The following CCDC85A variants were observed in gnomAD, a reference collection of about 807,000 sequenced individuals.
CCDC85A encodes the protein coiled-coil domain containing 85A.
Under a neutral mutation model 50.2 loss-of-function variants are expected in CCDC85A, and 38 were observed. That is an observed-to-expected ratio of 0.76 (90% confidence interval 0.58 to 0.99). The LOEUF is 0.99. CCDC85A is among the 50% of genes least tolerant of loss of function. CCDC85A has a pLI of 0.00. For missense variants in CCDC85A, 820 were observed against 742.0 expected (o/e 1.11, Z -1.22); for synonymous variants, 366 against 301.4 (o/e 1.21, Z -2.22).
At chr2:56,327,720 A>C (rs982607508) in intron 2 of CCDC85A, among the ~76,000 whole-genome samples, 1 of 151,900 alleles carries the variant, frequency 6.6e-6, no homozygotes, top group Non-Finnish European at 1.5e-5. Context: ...ACATGGAATA[A>C]AATGTCTGTA....
chr2:56,221,751 A>C (rs1668337171), intron 2 of CCDC85A, among the ~76,000 whole-genome samples: 1 of 152,158 alleles, frequency 6.6e-6, no homozygotes, highest in African/African-American at 2.4e-5. Flanking sequence ...TGAATTTGTT[A>C]GGTTATAAAT....
At chr2:56,215,294 A>T (rs546343539) in intron 2 of CCDC85A, among the ~76,000 whole-genome samples, 1 of 151,836 alleles carries the variant, frequency 6.6e-6, no homozygotes, top group Admixed American at 6.6e-5. Context: ...GTTTTTTGTC[A>T]TTTCTTTGAG....
intron 2 of CCDC85A, among the ~76,000 whole-genome samples, chr2:56,304,897 A>T (rs898231739): frequency 6.9e-6 from 1 of 145,198 alleles, no homozygotes; most frequent in African/African-American, 2.8e-5. Context: ...AAATATAACT[A>T]AAAAAAACAA....
intron 2 of CCDC85A, among the ~76,000 whole-genome samples, chr2:56,284,881 C>A (rs1671361825): frequency 6.6e-6 from 1 of 152,098 alleles, no homozygotes; most frequent in African/African-American, 2.4e-5. Flanking sequence ...TAATCCTTGT[C>A]TTAAAGACTA....
At chr2:56,195,400 T>A (rs757860856) in intron 2 of CCDC85A, among the ~76,000 whole-genome samples, 1 of 152,262 alleles carries the variant, frequency 6.6e-6, no homozygotes, top group Non-Finnish European at 1.5e-5. Context: ...TGTAATAGAA[T>A]GATAGTGAAG....
intron 3 of CCDC85A, among the ~76,000 whole-genome samples, chr2:56,368,541 G>T (rs547154894): frequency 6.6e-6 from 1 of 152,100 alleles, no homozygotes; most frequent in South Asian, 2.1e-4. Context: ...ACTCTGATGA[G>T]GTATTAAATA....
chr2:56,382,966 A>G (rs1477069505), intron 5 of CCDC85A, among the ~76,000 whole-genome samples: 1 of 151,950 alleles, frequency 6.6e-6, no homozygotes, highest in Non-Finnish European at 1.5e-5. Context: ...TGTCTTGTCA[A>G]TTTATTAAGA....
intron 3 of CCDC85A, among the ~76,000 whole-genome samples, chr2:56,350,728 T>C (rs1437203662): frequency 6.7e-6 from 1 of 150,236 alleles, no homozygotes; most frequent in Non-Finnish European, 1.5e-5. Flanking sequence ...GCTGTCCTCC[T>C]CCTCTGTGGT....
intron 2 of CCDC85A, among the ~76,000 whole-genome samples, chr2:56,224,803 T>A (rs573800333): frequency 6.6e-6 from 1 of 152,176 alleles, no homozygotes; most frequent in Non-Finnish European, 1.5e-5. Context: ...CTTTTTATTA[T>A]TGAGTTATAA....
At chr2:56,286,588 A>C (rs1671454848) in intron 2 of CCDC85A, among the ~76,000 whole-genome samples, 1 of 152,160 alleles carries the variant, frequency 6.6e-6, no homozygotes, top group Non-Finnish European at 1.5e-5. Flanking sequence ...ATCTCTGCTA[A>C]GATTTCTCCA....
chr2:56,300,366 G>C lies in CCDC85A; in HGVS notation c.1241-42513G>C, dbSNP rs528176384. On this transcript the variant is annotated intron_variant, in intron 2 of 5. Coordinates refer to ENST00000407595, the MANE Select transcript of CCDC85A (RefSeq NM_001080433.2). ...TTCTTGCTGCTAAGAATAGATTTCA[G>C]ATATAGGCTGTTAGCAAAGGCAATT... 2.6e-5 allele frequency among the ~76,000 whole-genome samples: 4 copies of C among 152,332 alleles called. No homozygotes were observed. The South Asian group carries it at 8.3e-4, about 32-fold the overall frequency.
chr2:56,283,257 A>C (rs948990208), intron 2 of CCDC85A, among the ~76,000 whole-genome samples: 1 of 152,130 alleles, frequency 6.6e-6, no homozygotes, highest in Admixed American at 6.5e-5. Context: ...GTTACTTGTC[A>C]CTTTTTGTAG....
chr2:56,256,640 C>T (rs947098563), intron 2 of CCDC85A, among the ~76,000 whole-genome samples: 1 of 152,188 alleles, frequency 6.6e-6, no homozygotes, highest in Non-Finnish European at 1.5e-5. Context: ...CCCTTTTTAT[C>T]CTCATTTAGG....
chr2:56,339,787 T>C (rs1302995533), intron 2 of CCDC85A, among the ~76,000 whole-genome samples: 3 of 152,204 alleles, frequency 2.0e-5, no homozygotes, highest in Non-Finnish European at 4.4e-5. Context: ...CAAAACAGTG[T>C]AAATCAGGCA....
intron 2 of CCDC85A, among the ~76,000 whole-genome samples, chr2:56,235,958 G>C (rs928708337): frequency 6.6e-6 from 1 of 152,124 alleles, no homozygotes; most frequent in Non-Finnish European, 1.5e-5. Flanking sequence ...GTACATTCCT[G>C]CTGGAGGGAA....
At chr2:56,312,978 C>T (rs957821392) in intron 2 of CCDC85A, among the ~76,000 whole-genome samples, 1 of 152,112 alleles carries the variant, frequency 6.6e-6, no homozygotes, top group African/African-American at 2.4e-5. Context: ...TTTAAAAATG[C>T]TTCTATATGC....
intron 2 of CCDC85A, among the ~76,000 whole-genome samples, chr2:56,233,326 C>T (rs1332993047): frequency 6.6e-6 from 1 of 152,150 alleles, no homozygotes; most frequent in Non-Finnish European, 1.5e-5. Context: ...AGAGCTTGTT[C>T]CATAATGATG....
At chr2:56,242,289 G>A (rs1048320105) in intron 2 of CCDC85A, among the ~76,000 whole-genome samples, 1 of 152,056 alleles carries the variant, frequency 6.6e-6, no homozygotes, top group Non-Finnish European at 1.5e-5. Context: ...CCTGAGACTG[G>A]GTAATTTATA....
At chr2:56,319,608 C>T (rs1673075084) in intron 2 of CCDC85A, among the ~76,000 whole-genome samples, 1 of 152,068 alleles carries the variant, frequency 6.6e-6, no homozygotes, top group Non-Finnish European at 1.5e-5. Context: ...ATAGCTGACA[C>T]CACAATGATG....
Sources: gnomAD v4.1 joint callset for allele counts (sites outside exome capture counted in the v4.1 genomes callset) on GRCh38, gnomAD v4.1.1 for gene constraint, MANE v1.5 for transcripts, NCBI Gene and HGNC (gene_info 2026-07-23, HGNC 2026-07-21) for gene names.